The following LRIG3 variants were observed in gnomAD, a reference collection of about 807,000 sequenced individuals.
LRIG3 encodes leucine rich repeats and immunoglobulin like domains 3.
LRIG3 carries 76 observed loss-of-function variants against 114.5 expected under a neutral mutation model. The ratio of observed to expected loss-of-function variants is 0.66; its 90% confidence interval spans 0.55 to 0.80. The LOEUF is 0.80. LRIG3 is among the 30% of genes least tolerant of loss of function. The pLI is 0.00. For synonymous variants in LRIG3, 512 were observed against 519.8 expected (o/e 0.98, Z 0.20); for missense variants, 1,239 against 1,382.8 (o/e 0.90, Z 1.65).
intron 14 of LRIG3, among the ~76,000 whole-genome samples, chr12:58,878,390 A>G (rs1189359707): frequency 1.3e-5 from 2 of 152,180 alleles, no homozygotes; most frequent in Non-Finnish European, 2.9e-5. Context: ...TTGTTTAGGT[A>G]AAAGATGAAA....
chr12:58,906,684 C>G (rs1461290714), intron 3 of LRIG3, among the ~76,000 whole-genome samples: 2 of 152,144 alleles, frequency 1.3e-5, no homozygotes, highest in Non-Finnish European at 2.9e-5. Flanking sequence ...TGACTCCCAC[C>G]TCGTGGCCAG....
chr12:58,872,406 A>G lies in LRIG3; in HGVS notation c.*166T>C. 1 of 623,278 alleles carries G rather than the reference A, an allele frequency of 1.6e-6. No homozygotes were observed. The highest frequency in any genetic ancestry group is 2.4e-6 in the Non-Finnish European group (1 of 416,970). 38.6% of individuals were successfully genotyped at this position (623,278 alleles called of 1,614,324 possible). ...TTCTTATATGAGCATCATTCCCAGT[A>G]TAAAAATTTTCATAACTTTTTGTAA... On this transcript the variant is annotated 3_prime_UTR_variant, in exon 19 of 19. Transcript: ENST00000320743.
At chr12:58,915,417 A>G (rs1872442676) in intron 1 of LRIG3, among the ~76,000 whole-genome samples, 1 of 152,164 alleles carries the variant, frequency 6.6e-6, no homozygotes, top group Non-Finnish European at 1.5e-5. Flanking sequence ...CACCCCTCCT[A>G]AAAAATAAAT....
rs1870762938 is a variant in LRIG3 at position 58,872,321 on chromosome 12, T to C, written c.*251A>G. On this transcript the variant is annotated 3_prime_UTR_variant, in exon 19 of 19. Coordinates refer to ENST00000320743, the MANE Select transcript of LRIG3 (RefSeq NM_153377.5). ...CATAAAATAATCATGATTTATATCA[T>C]TAATTTACGTAAGATACTTTTTTGC... 7.9e-6 allele frequency: 2 copies of C among 254,760 alleles called. No individual in the cohort carries two copies. Among genetic ancestry groups the C allele is most frequent in the South Asian group, 1.4e-4 (1 of 6,958 alleles). 15.8% of individuals were successfully genotyped at this position (254,760 alleles called of 1,614,324 possible).
intron 16 of LRIG3, among the ~76,000 whole-genome samples, chr12:58,875,857 T>C (rs1870897828): frequency 6.6e-6 from 1 of 152,136 alleles, no homozygotes; most frequent in Non-Finnish European, 1.5e-5. Context: ...CTGGCCAACA[T>C]GGCAAAACCC....
At chr12:58,908,875 A>G (rs905916602) in intron 3 of LRIG3, among the ~76,000 whole-genome samples, 1 of 152,232 alleles carries the variant, frequency 6.6e-6, no homozygotes, top group Non-Finnish European at 1.5e-5. Context: ...AGTGCTGAGG[A>G]AAAGAAGAGT....
At chr12:58,876,200 C>A (rs996147220) in intron 16 of LRIG3, among the ~76,000 whole-genome samples, 3 of 152,172 alleles carry the variant, frequency 2.0e-5, no homozygotes, top group Admixed American at 6.5e-5. Flanking sequence ...ATATCCTTTA[C>A]ACATGGAATA....
intron 3 of LRIG3, among the ~76,000 whole-genome samples, chr12:58,905,911 G>T (rs550556598): frequency 1.3e-5 from 2 of 152,082 alleles, no homozygotes; most frequent in Non-Finnish European, 2.9e-5. Context: ...GACTCTATAG[G>T]TATTCTGTAT....
rs200816582 is a variant in LRIG3 at position 58,876,507 on chromosome 12, C to T, written c.2633G>A (p.Ser878Asn). 123 of 1,614,136 alleles carry T rather than the reference C, an allele frequency of 7.6e-5. No homozygotes were observed. Among genetic ancestry groups the T allele is most frequent in the South Asian group, 4.8e-4 (44 of 91,078 alleles). ...TGAAGATGTGACAAACTGGTGGTGG[C>T]TTCCACTTTCTGAAGACACGTACCC... is the stretch of plus-strand genomic sequence containing the variant. ...QDGYVSSESGSHHQFVTSSGA... is the reference protein window; with the variant it reads ...QDGYVSSESGNHHQFVTSSGA... Residue 878 changes from serine to asparagine, a missense_variant, in exon 16 of 19, where the codon AGC becomes AAC. By Grantham distance (46) the Ser-to-Asn change is conservative (BLOSUM62 1). Coordinates refer to ENST00000320743, the MANE Select transcript of LRIG3 (RefSeq NM_153377.5).
chr12:58,887,025 A>C, intron 8 of LRIG3, 135 bp from the exon 9 acceptor site: 2 of 612,700 alleles, frequency 3.3e-6, no homozygotes, highest in Admixed American at 3.2e-5. Flanking sequence ...AATAATAGAA[A>C]ACTCTTTTTC....
intron 3 of LRIG3, among the ~76,000 whole-genome samples, chr12:58,902,797 T>C (rs1172075549): frequency 2.8e-5 from 4 of 143,380 alleles, no homozygotes; most frequent in Middle Eastern, 3.6e-3. Context: ...TCAATTCCCA[T>C]CTATGAGTGA....
At position 58,872,645 on chromosome 12, in the gene LRIG3, T is replaced by C. The variant is rs146964202; in HGVS notation, c.3287A>G (p.His1096Arg). 120 of 1,614,024 alleles carry C rather than the reference T, an allele frequency of 7.4e-5. No homozygotes were observed. The highest frequency in any genetic ancestry group is 4.9e-4 in the Middle Eastern group (3 of 6,084). Residue 1096 changes from histidine (H) to arginine (R), a missense_variant, in exon 19 of 19, where the codon CAC becomes CGC. His to Arg is a conservative substitution (Grantham distance 29). Coordinates refer to ENST00000320743, the MANE Select transcript of LRIG3 (RefSeq NM_153377.5). ...KERTDFQEEN[H>R]ICTFKQTLEN... ...TAAAGTCTGTTTAAAGGTACAAATG[T>C]GATTTTCTTCCTGAAAATCTGTCCT...
intron 3 of LRIG3, among the ~76,000 whole-genome samples, chr12:58,906,702 T>C (rs1872080398): frequency 1.3e-5 from 2 of 152,058 alleles, no homozygotes; most frequent in Admixed American, 6.5e-5. Context: ...CAGTTTCCCT[T>C]TGTGAGAAAA....
At chr12:58,889,641 A>G (rs973832892) in intron 5 of LRIG3, among the ~76,000 whole-genome samples, 3 of 152,110 alleles carry the variant, frequency 2.0e-5, no homozygotes, top group African/African-American at 7.2e-5. Context: ...ACAGCCACTT[A>G]AGCTATCAGA....
intron 13 of LRIG3, among the ~76,000 whole-genome samples, 154 bp from the exon 14 acceptor site, chr12:58,879,259 T>G (rs1238712724): frequency 6.6e-6 from 1 of 152,242 alleles, no homozygotes; most frequent in Non-Finnish European, 1.5e-5. Flanking sequence ...TCAAGGAAAC[T>G]AAAGTTGAGA....
At chr12:58,919,474 G>C (rs1452304898) in intron 1 of LRIG3, 1 of 1,551,478 alleles carries the variant, frequency 6.4e-7, no homozygotes, top group Non-Finnish European at 8.7e-7. Flanking sequence ...ACAGAAGTAC[G>C]TCCACCATAA....
chr12:58,902,940 G>A (rs549915810), intron 3 of LRIG3, among the ~76,000 whole-genome samples: 1 of 152,194 alleles, frequency 6.6e-6, no homozygotes, highest in South Asian at 2.1e-4. Flanking sequence ...TGGTGTATAT[G>A]TGCCACATTT....
rs534458138 is a variant in LRIG3, at chr12:58,876,579, A to G, written c.2561T>C (p.Ile854Thr). The G allele has an allele frequency of 6.2e-7, 1 of 1,614,186 alleles. No individual in the cohort carries two copies. Among genetic ancestry groups the G allele is most frequent in the African/African-American group, 1.3e-5 (1 of 75,060 alleles). ...TCCCTGAGATGACAAATAACTAGGA[A>G]TATCTGCTGGCAAGTTGGTCTCATC... Reference protein sequence around the residue: ...NTDETNLPADIPSYLSSQGTL... With the variant: ...NTDETNLPADTPSYLSSQGTL... The change falls in exon 16 of 19, where the codon ATT becomes ACT. Residue 854 changes from isoleucine to threonine, a missense_variant. Coordinates refer to ENST00000320743, the MANE Select transcript of LRIG3 (RefSeq NM_153377.5).
chr12:58,908,262 T>A (rs888771728), intron 3 of LRIG3, among the ~76,000 whole-genome samples: 1 of 152,234 alleles, frequency 6.6e-6, no homozygotes, highest in African/African-American at 2.4e-5. Context: ...TAGACAGTCT[T>A]CCCCTCTCAA....
Sources: allele counts gnomAD v4.1 joint callset (sites outside exome capture counted in the v4.1 genomes callset), GRCh38; gene constraint gnomAD v4.1.1; transcripts MANE v1.5; gene names NCBI Gene and HGNC (gene_info 2026-07-23, HGNC 2026-07-21).